The following CENPP variants were observed in gnomAD, a reference collection of about 807,000 sequenced individuals.
CENPP encodes centromere protein P.
Under a neutral mutation model 35.6 loss-of-function variants are expected in CENPP, and 24 were observed. That is an observed-to-expected ratio of 0.67 (90% CI 0.49 to 0.95). The LOEUF is 0.95. Ranked by LOEUF, CENPP falls within the 40% of genes least tolerant of loss-of-function variation. CENPP has a pLI of 0.00. For missense variants in CENPP, 332 were observed against 345.3 expected (o/e 0.96, Z 0.31); for synonymous variants, 120 against 125.5 (o/e 0.96, Z 0.29).
intron 5 of CENPP, among the ~76,000 whole-genome samples, chr9:92,591,419 A>T (rs1554690965): frequency 6.6e-6 from 1 of 151,500 alleles, no homozygotes; most frequent in Non-Finnish European, 1.5e-5. Flanking sequence ...ACTCTGTCTC[A>T]AAATAAATAA....
At chr9:92,588,577 C>T (rs1347277940) in intron 5 of CENPP, among the ~76,000 whole-genome samples, 1 of 152,098 alleles carries the variant, frequency 6.6e-6, no homozygotes, top group East Asian at 1.9e-4. Flanking sequence ...AAAGGTTTTT[C>T]TCTGTTGTAA....
At chr9:92,431,016 G>T (rs894407494) in intron 5 of CENPP, among the ~76,000 whole-genome samples, 3 of 151,896 alleles carry the variant, frequency 2.0e-5, no homozygotes, top group Non-Finnish European at 2.9e-5. Context: ...GGATGGTCTC[G>T]ATCTCTTAAC....
In CENPP at chr9:92,618,192, T is replaced by C; in HGVS notation, c.*5043T>C. The C allele has an allele frequency of 2.2e-6, 1 of 456,064 alleles. No individual in the cohort carries two copies. Among genetic ancestry groups the C allele is most frequent in the South Asian group, 1.5e-5 (1 of 64,542 alleles). The allele number at this position is 456,064 out of a possible 1,614,324, so 28.3% of individuals were successfully genotyped here. ...AGGAGAAGCCTTCTCTGAGATCCTCTCCTTTTGTTGAGAAAGGCCTGGCTA... is the reference window on the plus strand; with the variant it reads ...AGGAGAAGCCTTCTCTGAGATCCTCCCCTTTTGTTGAGAAAGGCCTGGCTA... On this transcript the variant is annotated 3_prime_UTR_variant, in exon 8 of 8. Coordinates refer to ENST00000375587, the MANE Select transcript of CENPP (RefSeq NM_001012267.3).
Position 92,363,368 on chromosome 9 carries a change from G to T in CENPP, c.468-16395G>T, listed in dbSNP as rs1027910426. Among the ~76,000 whole-genome samples the T allele has an allele frequency of 1.8e-4, 27 of 152,126 alleles. 1 individual carries two copies. Among genetic ancestry groups the T allele is most frequent in the Admixed American group, 1.1e-3 (17 of 15,268 alleles). On this transcript the variant is annotated intron_variant, in intron 4 of 7. Transcript: ENST00000375587. Reference sequence around the variant, plus strand: ...ACTGCATATACAAAGGTAGTCTCATGATTACATTACTGTATTTTACTGTAC... The same window carrying T: ...ACTGCATATACAAAGGTAGTCTCATTATTACATTACTGTATTTTACTGTAC...
intron 5 of CENPP, among the ~76,000 whole-genome samples, chr9:92,422,543 T>G (rs1843838674): frequency 6.6e-6 from 1 of 152,192 alleles, no homozygotes; most frequent in Non-Finnish European, 1.5e-5. Flanking sequence ...ATTGTCTGCT[T>G]TCCGCCTTTG....
chr9:92,558,659 T>C (rs1849778300), intron 5 of CENPP, among the ~76,000 whole-genome samples: 1 of 152,046 alleles, frequency 6.6e-6, no homozygotes, highest in South Asian at 2.1e-4. Flanking sequence ...TCAGCTGTAG[T>C]AGAGTGGAAA....
At chr9:92,396,733 T>C (rs1842907592) in intron 5 of CENPP, among the ~76,000 whole-genome samples, 1 of 151,992 alleles carries the variant, frequency 6.6e-6, no homozygotes, top group Non-Finnish European at 1.5e-5. Context: ...CCTGGCTTTT[T>C]CTTGGTTAAA....
Position 92,581,973 on chromosome 9 carries a change from CT to C in CENPP, c.565-29339del, listed in dbSNP as rs373689155. Among the ~76,000 whole-genome samples, 354 of 152,250 alleles carry C rather than the reference CT, an allele frequency of 2.3e-3. 1 individual carries two copies. The highest frequency in any genetic ancestry group is 8.2e-3 in the African/African-American group (339 of 41,538). Reference sequence around the variant, plus strand: ...GATGATAAAATGTCTAAGGTAACCCCTTAACAAAAATAAGGTATGTGACTTT... The same window carrying C: ...GATGATAAAATGTCTAAGGTAACCCCTAACAAAAATAAGGTATGTGACTTT... On this transcript the variant is annotated intron_variant, in intron 5 of 7. Transcript: ENST00000375587.
chr9:92,603,813 C>T (rs1175717871), intron 5 of CENPP, among the ~76,000 whole-genome samples: 1 of 152,162 alleles, frequency 6.6e-6, no homozygotes, highest in South Asian at 2.1e-4. Context: ...TCTTGCCCAC[C>T]TCCCCAGTCC....
At chr9:92,601,760 G>A (rs865880450) in intron 5 of CENPP, among the ~76,000 whole-genome samples, 2 of 152,224 alleles carry the variant, frequency 1.3e-5, no homozygotes, top group Non-Finnish European at 2.9e-5. Context: ...TGAGGGTGAA[G>A]GGACACAGTC....
intron 5 of CENPP, among the ~76,000 whole-genome samples, chr9:92,481,954 T>C (rs576519750): frequency 4.6e-5 from 7 of 152,250 alleles, no homozygotes; most frequent in African/African-American, 1.4e-4. Context: ...TATAGCAATG[T>C]TATTTTCCTA....
At chr9:92,545,024 T>TA (rs1849401695) in intron 5 of CENPP, among the ~76,000 whole-genome samples, 1 of 152,176 alleles carries the variant, frequency 6.6e-6, no homozygotes, top group Non-Finnish European at 1.5e-5. Context: ...ACGCCCATCT[T>TA]ACAAATTCTT....
At chr9:92,600,856 T>C (rs1850894943) in intron 5 of CENPP, among the ~76,000 whole-genome samples, 1 of 152,214 alleles carries the variant, frequency 6.6e-6, no homozygotes, top group Admixed American at 6.5e-5. Context: ...TTTTTGTGGA[T>C]GGTCTTGTGG....
chr9:92,332,081 C>A, intron 1 of CENPP, 89 bp from the exon 2 acceptor site: 4 of 746,946 alleles, frequency 5.4e-6, no homozygotes, highest in South Asian at 2.6e-5. Context: ...GTAAGAGGGA[C>A]AAAATGGGAA....
At chr9:92,359,092 G>A (rs897527609) in intron 4 of CENPP, among the ~76,000 whole-genome samples, 1 of 151,854 alleles carries the variant, frequency 6.6e-6, no homozygotes, top group African/African-American at 2.4e-5. Flanking sequence ...TAGGATTAAA[G>A]GCATGTGCCA....
chr9:92,347,750 T>C (rs556215971), intron 4 of CENPP, among the ~76,000 whole-genome samples: 1 of 152,328 alleles, frequency 6.6e-6, no homozygotes, highest in African/African-American at 2.4e-5. Flanking sequence ...ATTTCACATG[T>C]ACTATAAGAA....
intron 5 of CENPP, among the ~76,000 whole-genome samples, chr9:92,420,780 T>C (rs1843768291): frequency 6.6e-6 from 1 of 152,168 alleles, no homozygotes; most frequent in African/African-American, 2.4e-5. Context: ...CAATATGTGC[T>C]TTTGAAATTC....
At chr9:92,421,788 G>A (rs1843804209) in intron 5 of CENPP, among the ~76,000 whole-genome samples, 1 of 152,152 alleles carries the variant, frequency 6.6e-6, no homozygotes, top group Non-Finnish European at 1.5e-5. Flanking sequence ...AAACAGCTTA[G>A]TGGAGGAGAG....
chr9:92,619,307 A>G lies in CENPP; in HGVS notation c.*6158A>G. 1 of 578,442 alleles carries G rather than the reference A, an allele frequency of 1.7e-6. No individual in the cohort carries two copies. Among genetic ancestry groups the G allele is most frequent in the South Asian group, 2.2e-5 (1 of 45,720 alleles). The allele number at this position is 578,442 out of a possible 1,614,324, so 35.8% of individuals were successfully genotyped here. A position where few individuals can be genotyped will look rare whatever the true frequency, so the allele number is the denominator to read the frequency against. Reference sequence around the variant, plus strand: ...CATAAATCTGTCTTTTGACTGAATTACAAGCTTCTAGAGGGCGAGAGTTAG... The same window carrying G: ...CATAAATCTGTCTTTTGACTGAATTGCAAGCTTCTAGAGGGCGAGAGTTAG... On this transcript the variant is annotated 3_prime_UTR_variant, in exon 8 of 8. Coordinates refer to ENST00000375587, the MANE Select transcript of CENPP (RefSeq NM_001012267.3).
Sources: allele counts gnomAD v4.1 joint callset (sites outside exome capture counted in the v4.1 genomes callset), GRCh38; gene constraint gnomAD v4.1.1; transcripts MANE v1.5; gene names NCBI Gene and HGNC (gene_info 2026-07-23, HGNC 2026-07-21).